The following GLIS3 variants were observed in gnomAD, a reference collection of about 807,000 sequenced individuals.
GLIS3 encodes GLIS family zinc finger 3.
A neutral mutation model predicts 78.6 loss-of-function variants in GLIS3; 53 were observed. The observed-to-expected ratio is 0.67, with a 90% CI of 0.54 to 0.85. The LOEUF is 0.85. Ranked by LOEUF, GLIS3 falls within the 40% of genes least tolerant of loss-of-function variation. The pLI, the probability that GLIS3 is intolerant of heterozygous loss-of-function variation, is 0.00. For missense variants in GLIS3, 1,703 were observed against 1,231.1 expected, an observed-to-expected ratio of 1.38 and a Z score of -5.74; for synonymous variants, 684 against 509.9, an observed-to-expected ratio of 1.34 and a Z score of -4.60.
At chr9:4,352,186 T>C (rs181722577), upstream of GLIS3, among the ~76,000 whole-genome samples, 131 of 152,332 alleles carry the variant, frequency 8.6e-4, no homozygotes, top group African/African-American at 2.9e-3. Context: ...AATACAGTCA[T>C]TGTATTAAAC....
At chr9:3,983,634 G>A (rs572322232) in intron 4 of GLIS3, among the ~76,000 whole-genome samples, 29 of 152,168 alleles carry the variant, frequency 1.9e-4, no homozygotes, top group Non-Finnish European at 4.3e-4. Flanking sequence ...GAAACTTGTT[G>A]GGAACTGGAA....
rs191251224 is a variant in GLIS3, at chr9:4,254,166, T to C, written c.388+31872A>G. ...TATTTAATATTTACTGCATGTCACA[T>C]AACAGGCTAGGCATAAAGTGTACAA... On this transcript the variant is annotated intron_variant, in intron 2 of 10. Transcript: ENST00000381971. 1.2e-3 allele frequency among the ~76,000 whole-genome samples: 190 copies of C among 152,340 alleles called. No homozygotes were observed. The South Asian group carries it at 0.021, about 16-fold the overall frequency.
chr9:4,356,062 C>T, the GLIS3 span, among the ~76,000 whole-genome samples: 1 of 152,224 alleles, frequency 6.6e-6, no homozygotes, highest in African/African-American at 2.4e-5. Context: ...CCAGCTCTAA[C>T]ACTAATGAGC....
At chr9:4,364,160 T>C in the GLIS3 span, among the ~76,000 whole-genome samples, 2 of 152,222 alleles carry the variant, frequency 1.3e-5, no homozygotes, top group Non-Finnish European at 2.9e-5. Context: ...AAAGTGGAAA[T>C]ACTTAATAAT....
upstream of GLIS3, among the ~76,000 whole-genome samples, chr9:4,352,059 G>A (rs915407687): frequency 6.6e-5 from 10 of 152,276 alleles, no homozygotes; most frequent in Non-Finnish European, 1.2e-4. Context: ...AAACTTCAGC[G>A]TAAGTACAAG....
chr9:4,086,648 A>G (rs755951240), intron 4 of GLIS3, among the ~76,000 whole-genome samples: 1 of 152,218 alleles, frequency 6.6e-6, no homozygotes, highest in Non-Finnish European at 1.5e-5. Flanking sequence ...TTTCCACTGT[A>G]TGTCCTTTTG....
intron 4 of GLIS3, among the ~76,000 whole-genome samples, chr9:4,112,030 C>G (rs1345925030): frequency 6.6e-6 from 1 of 152,140 alleles, no homozygotes; most frequent in Non-Finnish European, 1.5e-5. Flanking sequence ...AGCTGAAAGT[C>G]TGCATTGTGT....
intron 9 of GLIS3, among the ~76,000 whole-genome samples, chr9:3,833,957 C>A (rs1300486680): frequency 2.0e-5 from 3 of 151,952 alleles, no homozygotes; most frequent in Non-Finnish European, 4.4e-5. Flanking sequence ...ATATTTGAGG[C>A]TAATTATAAA....
chr9:3,877,410 A>G lies in GLIS3; in HGVS notation c.2297+2017T>C, dbSNP rs73384251. Among the ~76,000 whole-genome samples the G allele has an allele frequency of 6.8e-3, 1,031 of 152,358 alleles. 14 individuals are homozygous for G. Among genetic ancestry groups the G allele is most frequent in the African/African-American group, 0.023 (953 of 41,586 alleles). ...GATTTGTTTACACTTTACCTTGTGC[A>G]TAGAACTGTTTTTAAAAAGTCCAGC... is the stretch of plus-strand genomic sequence containing the variant. On this transcript the variant is annotated intron_variant, in intron 8 of 10. Transcript: ENST00000381971.
intron 2 of GLIS3, among the ~76,000 whole-genome samples, chr9:4,157,807 T>A (rs953608559): frequency 1.3e-5 from 2 of 152,316 alleles, no homozygotes; most frequent in African/African-American, 4.8e-5. Flanking sequence ...ACAGTCCACA[T>A]CACGTATGCA....
At chr9:4,177,309 A>C (rs1042142451) in intron 2 of GLIS3, among the ~76,000 whole-genome samples, 2 of 152,182 alleles carry the variant, frequency 1.3e-5, no homozygotes, top group Non-Finnish European at 1.5e-5. Flanking sequence ...ATCTTTTTGT[A>C]AGGTGTACCA....
At chr9:3,840,197 C>G (rs1818628681) in intron 9 of GLIS3, among the ~76,000 whole-genome samples, 1 of 152,148 alleles carries the variant, frequency 6.6e-6, no homozygotes, top group Admixed American at 6.5e-5. Flanking sequence ...ATGAAATAAG[C>G]TTAGAAATAT....
chr9:3,846,317 T>C (rs1197988509), intron 9 of GLIS3, among the ~76,000 whole-genome samples: 12 of 152,214 alleles, frequency 7.9e-5, no homozygotes, highest in Admixed American at 7.9e-4. Flanking sequence ...ACTGGGTTTA[T>C]AAAACCACCT....
the GLIS3 span, among the ~76,000 whole-genome samples, chr9:4,363,908 G>A: frequency 4.6e-5 from 7 of 152,182 alleles, no homozygotes; most frequent in African/African-American, 1.7e-4. Flanking sequence ...CTCCAAGAGT[G>A]TTTCCAGTTA....
chr9:4,397,928 G>A, the GLIS3 span, among the ~76,000 whole-genome samples: 4 of 151,916 alleles, frequency 2.6e-5, no homozygotes, highest in African/African-American at 9.7e-5. Context: ...TCCATTGTGG[G>A]TCCCTGCATC....
chr9:4,384,613 T>C, the GLIS3 span, among the ~76,000 whole-genome samples: 1 of 151,566 alleles, frequency 6.6e-6, no homozygotes, highest in Non-Finnish European at 1.5e-5. Flanking sequence ...ACTCTCTAAT[T>C]TCTTCCCTGG....
At chr9:4,229,407 T>A (rs1281505861) in intron 2 of GLIS3, among the ~76,000 whole-genome samples, 1 of 152,350 alleles carries the variant, frequency 6.6e-6, no homozygotes, top group African/African-American at 2.4e-5. Context: ...TTTGGTTGGT[T>A]AGCATGACCA....
At chr9:4,473,568 C>T in the GLIS3 span, among the ~76,000 whole-genome samples, 1 of 151,570 alleles carries the variant, frequency 6.6e-6, no homozygotes, top group African/African-American at 2.4e-5. Context: ...CATGTTCTCA[C>T]TTACAAGTGG....
At chr9:4,203,941 A>T (rs1247429262) in intron 2 of GLIS3, among the ~76,000 whole-genome samples, 1 of 152,220 alleles carries the variant, frequency 6.6e-6, no homozygotes, top group Non-Finnish European at 1.5e-5. Flanking sequence ...CTACAATAGA[A>T]ACTGAAGACT....
Sources: gnomAD v4.1 joint callset for allele counts (sites outside exome capture counted in the v4.1 genomes callset) on GRCh38, gnomAD v4.1.1 for gene constraint, MANE v1.5 for transcripts, NCBI Gene and HGNC (gene_info 2026-07-23, HGNC 2026-07-21) for gene names.